The following CACNA1C variants were observed in gnomAD, a reference collection of about 807,000 sequenced individuals.
The protein encoded by CACNA1C is calcium voltage-gated channel subunit alpha1 C, also known as voltage-dependent L-type calcium channel subunit alpha-1C.
Under a neutral mutation model 229.0 loss-of-function variants are expected in CACNA1C, and 30 were observed. That is an observed-to-expected ratio of 0.13 (90% confidence interval 0.10 to 0.18). The LOEUF is 0.18. Ranked by LOEUF, CACNA1C falls within the 10% of genes least tolerant of loss-of-function variation. The pLI is 1.00. For missense variants in CACNA1C, 1,658 were observed against 2,845.0 expected, an observed-to-expected ratio of 0.58 and a Z score of 9.49; for synonymous variants, 1,114 against 1,132.5, an observed-to-expected ratio of 0.98 and a Z score of 0.33.
At chr12:2,321,075 G>A (rs1292738460) in intron 3 of CACNA1C, among the ~76,000 whole-genome samples, 2 of 152,192 alleles carry the variant, frequency 1.3e-5, no homozygotes, top group African/African-American at 2.4e-5. Flanking sequence ...GAAAATTAAA[G>A]GTGTGTGAGG....
At chr12:2,365,349 T>A (rs1412617583) in intron 3 of CACNA1C, among the ~76,000 whole-genome samples, 1 of 152,238 alleles carries the variant, frequency 6.6e-6, no homozygotes, top group Non-Finnish European at 1.5e-5. Context: ...TTATTGTAGG[T>A]CTACTAGGTT....
chr12:2,399,588 G>C (rs1351490993), intron 3 of CACNA1C, among the ~76,000 whole-genome samples: 1 of 152,174 alleles, frequency 6.6e-6, no homozygotes, highest in Non-Finnish European at 1.5e-5. Context: ...TCCTCTCAAT[G>C]TTCAGACACC....
At chr12:2,447,003 T>C (rs1398722684) in intron 3 of CACNA1C, among the ~76,000 whole-genome samples, 1 of 152,130 alleles carries the variant, frequency 6.6e-6, no homozygotes, top group Non-Finnish European at 1.5e-5. Flanking sequence ...CCATCTCAGC[T>C]TCACCTTTCT....
intron 9 of CACNA1C, among the ~76,000 whole-genome samples, chr12:2,519,185 G>A (rs1293880487): frequency 6.6e-6 from 1 of 152,186 alleles, no homozygotes; most frequent in Non-Finnish European, 1.5e-5. Context: ...TTGCTTGCTG[G>A]GCTACACTGA....
At chr12:2,031,683 C>A (rs4765881) in intron 1 of CACNA1C, among the ~76,000 whole-genome samples, 1 of 151,972 alleles carries the variant, frequency 6.6e-6, no homozygotes, top group Non-Finnish European at 1.5e-5. Flanking sequence ...TTTTAAAATT[C>A]TGATGCCCAG....
At chr12:2,371,376 G>C (rs1252493832) in intron 3 of CACNA1C, among the ~76,000 whole-genome samples, 1 of 152,126 alleles carries the variant, frequency 6.6e-6, no homozygotes, top group Non-Finnish European at 1.5e-5. Flanking sequence ...TGGAGGCCCA[G>C]GTGGGCAGAA....
At chr12:2,099,142 A>G (rs1218223250) in intron 1 of CACNA1C, among the ~76,000 whole-genome samples, 1 of 152,272 alleles carries the variant, frequency 6.6e-6, no homozygotes, top group Admixed American at 6.5e-5. Flanking sequence ...CTCATGCTTC[A>G]TGGAGGCGAG....
At position 2,647,188 on chromosome 12, in the gene CACNA1C, A is replaced by T. The variant is rs186817582; in HGVS notation, c.3913-1287A>T. On this transcript the variant is annotated intron_variant, in intron 30 of 46. Transcript: ENST00000399655. This position sits in a 1 kb window ranked among gnomAD's most constrained non-coding sequence, Gnocchi z 4.2. Reference sequence around the variant, plus strand: ...TTCCTTGTTTGTACCTTAAAAACAGAAATACAAGAGCAACCATCTGAAAGT... The same window carrying T: ...TTCCTTGTTTGTACCTTAAAAACAGTAATACAAGAGCAACCATCTGAAAGT... Among the ~76,000 whole-genome samples, 222 of 152,378 alleles carry T rather than the reference A, an allele frequency of 1.5e-3. No individual in the cohort carries two copies. The highest frequency in any genetic ancestry group is 2.0e-3 in the Non-Finnish European group (134 of 68,040).
chr12:2,122,121 A>T (rs1423535648), intron 3 of CACNA1C, among the ~76,000 whole-genome samples: 1 of 152,148 alleles, frequency 6.6e-6, no homozygotes, highest in South Asian at 2.1e-4. Context: ...AGGAGAGGAC[A>T]AGAGGTCACC....
In CACNA1C at chr12:2,108,059, G is replaced by C. The variant is rs2079931464; in HGVS notation, c.50-7165G>C. On this transcript the variant is annotated intron_variant, in intron 1 of 46. Transcript: ENST00000399655. This position sits in a 1 kb window ranked among gnomAD's most constrained non-coding sequence, Gnocchi z 5.3. ...GCTCAGGAGCTGCGTATGACTGGTA[G>C]CAAGGGCTCCGTAATCCAGCCTAGG... Among the ~76,000 whole-genome samples, 1 of 152,238 alleles carries C rather than the reference G, an allele frequency of 6.6e-6. No homozygotes were observed. Among genetic ancestry groups the C allele is most frequent in the African/African-American group, 2.4e-5 (1 of 41,460 alleles).
chr12:2,600,699 T>C (rs1472791407), intron 21 of CACNA1C, among the ~76,000 whole-genome samples: 1 of 152,228 alleles, frequency 6.6e-6, no homozygotes, highest in Admixed American at 6.5e-5. Context: ...GGCCAAGTCC[T>C]GTAGCAGTCA....
chr12:2,677,907 TCA>T lies in CACNA1C; in HGVS notation c.5091+41_5091+42del. On this transcript the variant is annotated intron_variant, in intron 41 of 46. Transcript: ENST00000399655. The surrounding 1 kb of genome is among the most constrained non-coding windows in gnomAD (Gnocchi z 7.4). ...GGCGCACTCTCGACCCCTATAAAGT[TCA>T]GTTTGGAGCAAGAGGTTGGGCTGGG... 1 of 1,608,484 alleles carries T rather than the reference TCA, an allele frequency of 6.2e-7. No homozygotes were observed. The highest frequency in any genetic ancestry group is 1.1e-5 in the South Asian group (1 of 90,910).
chr12:2,535,704 T>TAAAAAAAAAAAAAAAAAAAA (rs758857733), intron 9 of CACNA1C, among the ~76,000 whole-genome samples: 36 of 36,556 alleles, frequency 9.8e-4, no homozygotes, highest in South Asian at 1.5e-3. Context: ...AGACCCTGTC[T>TAAAAAAAAAAAAAAAAAAAA]AAAAAAAAAA....
chr12:2,643,443 T>G (rs1219820900), intron 30 of CACNA1C, among the ~76,000 whole-genome samples: 1 of 152,220 alleles, frequency 6.6e-6, no homozygotes. Flanking sequence ...CATACCTCAT[T>G]CATTTGCTCT....
rs10848651 is a variant in CACNA1C, at chr12:2,354,871, G to A, written c.478-94105G>A. 0.029 allele frequency among the ~76,000 whole-genome samples: 4,390 copies of A among 152,122 alleles called. 124 individuals are homozygous for A. Among genetic ancestry groups the A allele is most frequent in the African/African-American group, 0.066 (2,754 of 41,486 alleles). ...CCATTTCAGAGCTGGTCGTTTCCCC[G>A]CAGCTTTAGATTCCATTTTGGTGAG... is the stretch of plus-strand genomic sequence containing the variant. On this transcript the variant is annotated intron_variant, in intron 3 of 46. Transcript: ENST00000399655. This position sits in a 1 kb window ranked among gnomAD's most constrained non-coding sequence, Gnocchi z 4.6.
chr12:2,151,377 A>G (rs1435879751), intron 3 of CACNA1C, among the ~76,000 whole-genome samples: 4 of 148,674 alleles, frequency 2.7e-5, no homozygotes, highest in Non-Finnish European at 5.9e-5. Flanking sequence ...AAAAAAAAAA[A>G]GGGATTTGAG....
chr12:2,024,638 G>A (rs1019164848), intron 1 of CACNA1C, among the ~76,000 whole-genome samples: 9 of 152,228 alleles, frequency 5.9e-5, no homozygotes, highest in East Asian at 3.8e-4. Context: ...AGGAAATGCA[G>A]TCTTTGTTCT....
rs56169661 is a variant in CACNA1C, at chr12:2,029,767, A to C, written c.139+58566A>C. On this transcript the variant is annotated intron_variant, in intron 1 of 46. Transcript: ENST00000682462. The surrounding 1 kb of genome is among the most constrained non-coding windows in gnomAD (Gnocchi z 4.9). ...AAGGGGCTAACACTGTGGTTCTATTATTTACAGAAAACTTGTTTCTGGTTT... is the reference window on the plus strand; with the variant it reads ...AAGGGGCTAACACTGTGGTTCTATTCTTTACAGAAAACTTGTTTCTGGTTT... Among the ~76,000 whole-genome samples, 15,193 of 152,140 alleles carry C rather than the reference A, an allele frequency of 0.1. 818 individuals are homozygous for C. The highest frequency in any genetic ancestry group is 0.11 in the Non-Finnish European group (7,770 of 67,984).
chr12:2,457,447 G>T (rs1343335991), intron 4 of CACNA1C, 120 bp from the exon 5 acceptor site: 2 of 1,033,882 alleles, frequency 1.9e-6, no homozygotes, highest in Non-Finnish European at 2.8e-6. Context: ...CACAACGCCC[G>T]CCCCTGGGCT....
Sources: gnomAD v4.1 joint callset for allele counts (sites outside exome capture counted in the v4.1 genomes callset) on GRCh38, gnomAD v4.1.1 for gene constraint, Gnocchi (gnomAD v3.1) non-coding constraint, MANE v1.5 for transcripts, NCBI Gene and HGNC (gene_info 2026-07-23, HGNC 2026-07-21) for gene names.